CACNA1E: variants seen among roughly 807,000 people sequenced by gnomAD.
The protein encoded by CACNA1E is calcium voltage-gated channel subunit alpha1 E.
Under a neutral mutation model 259.2 loss-of-function variants are expected in CACNA1E, and 40 were observed. The ratio of observed to expected loss-of-function variants is 0.15; its 90% CI spans 0.12 to 0.20. The LOEUF is 0.20. Ranked by LOEUF, CACNA1E falls within the 10% of genes least tolerant of loss-of-function variation. CACNA1E has a pLI of 1.00. For synonymous variants in CACNA1E, 1,104 were observed against 1,138.5 expected, an observed-to-expected ratio of 0.97 and a Z score of 0.61; for missense variants, 1,874 against 3,040.1, an observed-to-expected ratio of 0.62 and a Z score of 9.02.
chr1:181,320,145 G>C (rs531741182), intron 1 of CACNA1E, among the ~76,000 whole-genome samples: 6 of 152,230 alleles, frequency 3.9e-5, no homozygotes, highest in Admixed American at 3.9e-4. Context: ...GAGTCACATG[G>C]TTGAGCTATC....
intron 36 of CACNA1E, 53 bp downstream of exon 36, chr1:181,771,437 G>A: frequency 3.3e-6 from 3 of 920,966 alleles, no homozygotes; most frequent in Non-Finnish European, 5.3e-6. Flanking sequence ...GAGGGAGAGA[G>A]AGTTTGTCTG....
intron 3 of CACNA1E, among the ~76,000 whole-genome samples, chr1:181,552,857 A>G (rs1648320211): frequency 6.6e-6 from 1 of 151,640 alleles, no homozygotes; most frequent in Admixed American, 6.6e-5. Context: ...ATTGGTCTGT[A>G]TATCTGTTTC....
intron 1 of CACNA1E, among the ~76,000 whole-genome samples, chr1:181,506,915 A>G (rs1050715085): frequency 2.6e-5 from 4 of 152,098 alleles, no homozygotes; most frequent in African/African-American, 9.7e-5. Flanking sequence ...ACAGTTACAC[A>G]GAATCTCCAC....
chr1:181,347,071 C>T (rs1356833102), intron 1 of CACNA1E, among the ~76,000 whole-genome samples: 1 of 152,126 alleles, frequency 6.6e-6, no homozygotes, highest in Admixed American at 6.5e-5. Flanking sequence ...TCAGCACTGC[C>T]TTCCTGTTAG....
rs1340314264 is a variant in CACNA1E at position 181,799,957 on chromosome 1, G to A, written c.*1123G>A. The A allele has an allele frequency of 6.6e-6, 1 of 152,370 alleles. No homozygotes were observed. The highest frequency in any genetic ancestry group is 1.5e-5 in the Non-Finnish European group (1 of 68,150). 9.4% of individuals were successfully genotyped at this position (152,370 alleles called of 1,614,324 possible). Reference sequence around the variant, plus strand: ...TGTGCCAAGCCCGGTAAGGCCAAGTGCCGAGGCCCAGCCTTCCCTGCCACT... The same window carrying A: ...TGTGCCAAGCCCGGTAAGGCCAAGTACCGAGGCCCAGCCTTCCCTGCCACT... On this transcript the variant is annotated 3_prime_UTR_variant, in exon 48 of 48. Transcript: ENST00000367573.
intron 1 of CACNA1E, among the ~76,000 whole-genome samples, chr1:181,372,828 A>AT (rs1205982576): frequency 0.11 from 10,912 of 101,538 alleles, 431 homozygotes; most frequent in East Asian, 0.16. Context: ...ATATATATAT[A>AT]TTTTTTTTTT....
chr1:181,397,820 A>G (rs958385436), intron 1 of CACNA1E, among the ~76,000 whole-genome samples: 8 of 152,236 alleles, frequency 5.3e-5, no homozygotes, highest in Admixed American at 4.6e-4. Flanking sequence ...TACTCCAGTC[A>G]GTTCTCATTG....
At chr1:181,571,260 G>C (rs759301308) in intron 3 of CACNA1E, among the ~76,000 whole-genome samples, 1 of 152,238 alleles carries the variant, frequency 6.6e-6, no homozygotes, top group Non-Finnish European at 1.5e-5. Context: ...AAACTAGCCA[G>C]TGTGACTGAA....
At chr1:181,750,914 C>T (rs1020085053) in intron 26 of CACNA1E, among the ~76,000 whole-genome samples, 5 of 151,306 alleles carry the variant, frequency 3.3e-5, no homozygotes, top group Non-Finnish European at 7.4e-5. Flanking sequence ...TCCTTCAATT[C>T]GATTAAATAT....
chr1:181,781,545 T>G, intron 39 of CACNA1E, 22 bp downstream of exon 39: 4 of 1,235,728 alleles, frequency 3.2e-6, no homozygotes, highest in Non-Finnish European at 3.5e-6. Flanking sequence ...CTTCCTTTGC[T>G]CTGGGCTACA....
At chr1:181,456,243 C>T (rs776811110) in intron 2 of CACNA1E, among the ~76,000 whole-genome samples, 2 of 152,074 alleles carry the variant, frequency 1.3e-5, no homozygotes, top group Non-Finnish European at 2.9e-5. Context: ...GAAATTAGTG[C>T]AGGAGGGATG....
rs79813005 is a variant in CACNA1E, at chr1:181,435,031, A to C, written c.434+21451A>C. 2.2e-3 allele frequency among the ~76,000 whole-genome samples: 333 copies of C among 152,376 alleles called. 2 individuals are homozygous for C. The highest frequency in any genetic ancestry group is 7.7e-3 in the African/African-American group (322 of 41,586). On this transcript the variant is annotated intron_variant, in intron 2 of 11. Coordinates refer to the CACNA1E transcript ENST00000524607. ...GACACAATCTGATCAACCCATTGTA[A>C]GTGAAAAATATCATCAGTCAAAACT... is the stretch of plus-strand genomic sequence containing the variant.
At chr1:181,429,636 G>T (rs1659571501) in intron 2 of CACNA1E, among the ~76,000 whole-genome samples, 1 of 152,194 alleles carries the variant, frequency 6.6e-6, no homozygotes. Flanking sequence ...GGTTGTGTGT[G>T]AGGTGCTTAG....
chr1:181,490,368 T>C (rs1664203618), intron 1 of CACNA1E, among the ~76,000 whole-genome samples: 1 of 150,694 alleles, frequency 6.6e-6, no homozygotes, highest in East Asian at 1.9e-4. Flanking sequence ...CCCTTAATCC[T>C]CTTACTTATT....
chr1:181,501,773 C>T lies in CACNA1E; in HGVS notation c.267-8704C>T, dbSNP rs2102567702. 2.6e-5 allele frequency among the ~76,000 whole-genome samples: 4 copies of T among 152,174 alleles called. 1 individual carries two copies. In the Middle Eastern group the frequency reaches 0.014, roughly 521 times the overall value. On this transcript the variant is annotated intron_variant, in intron 1 of 47. Transcript: ENST00000367573. Reference sequence around the variant, plus strand: ...GAGAGAGGTGTGTGTCTGTTCAGGACTGCCTGTCAGATGGTGAATTTGAAC... The same window carrying T: ...GAGAGAGGTGTGTGTCTGTTCAGGATTGCCTGTCAGATGGTGAATTTGAAC...
intron 44 of CACNA1E, among the ~76,000 whole-genome samples, chr1:181,791,459 C>T (rs1292288826): frequency 6.6e-6 from 1 of 152,118 alleles, no homozygotes; most frequent in East Asian, 1.9e-4. Context: ...GGTGACAGAG[C>T]AAGACTCCGT....
intron 1 of CACNA1E, among the ~76,000 whole-genome samples, chr1:181,505,068 A>G (rs955640168): frequency 1.3e-5 from 2 of 152,060 alleles, no homozygotes; most frequent in African/African-American, 4.8e-5. Context: ...TCATTTCCTC[A>G]TTTTGGCCAG....
chr1:181,718,052 C>T lies in CACNA1E; in HGVS notation c.1526-3C>T. On this transcript the variant is annotated splice_region_variant and splice_polypyrimidine_tract_variant and intron_variant, in intron 11 of 47. Transcript: ENST00000367573. ...ACCAATGCTCTACTTTTAATACTTC[C>T]AGACTATGCAGAATTTCTGTTTCTG... 1 of 1,488,092 alleles carries T rather than the reference C, an allele frequency of 6.7e-7. No homozygotes were observed. Among genetic ancestry groups the T allele is most frequent in the Non-Finnish European group, 9.4e-7 (1 of 1,066,208 alleles). The allele number at this position is 1,488,092 out of a possible 1,614,324, so 92.2% of individuals were successfully genotyped here.
intron 6 of CACNA1E, among the ~76,000 whole-genome samples, chr1:181,584,463 C>T (rs1281581484): frequency 6.6e-6 from 1 of 152,200 alleles, no homozygotes; most frequent in African/African-American, 2.4e-5. Context: ...TTCTGAGAGT[C>T]TTCCCAACTC....
Sources: allele counts gnomAD v4.1 joint callset (sites outside exome capture counted in the v4.1 genomes callset), GRCh38; gene constraint gnomAD v4.1.1; transcripts MANE v1.5; gene names NCBI Gene and HGNC (gene_info 2026-07-23, HGNC 2026-07-21).